Variants in LRRC4C observed in about 807,000 individuals in gnomAD.
LRRC4C encodes leucine-rich repeat-containing protein 4C.
A neutral mutation model predicts 33.6 loss-of-function variants in LRRC4C; 5 were observed. The ratio of observed to expected loss-of-function variants is 0.15; its 90% CI spans 0.08 to 0.31. The LOEUF is 0.31. Ranked by LOEUF, LRRC4C falls within the 10% of genes least tolerant of loss-of-function variation. The pLI is 1.00. For missense variants in LRRC4C, 560 were observed against 796.7 expected (o/e 0.70, Z 3.58); for synonymous variants, 329 against 302.0 (o/e 1.09, Z -0.93).
chr11:41,170,668 G>A (rs1944934533), intron 1 of LRRC4C, among the ~76,000 whole-genome samples: 1 of 152,122 alleles, frequency 6.6e-6, no homozygotes, highest in Non-Finnish European at 1.5e-5. Context: ...GAAAACCTAG[G>A]CAATACCATT....
chr11:40,287,754 A>G (rs1228681144), intron 4 of LRRC4C, among the ~76,000 whole-genome samples: 2 of 152,234 alleles, frequency 1.3e-5, no homozygotes, highest in East Asian at 1.9e-4. Context: ...TTTATATGAC[A>G]CAGAATATAT....
intron 3 of LRRC4C, among the ~76,000 whole-genome samples, chr11:40,537,811 G>C (rs148077247): frequency 6.6e-6 from 1 of 152,104 alleles, no homozygotes; most frequent in Non-Finnish European, 1.5e-5. Context: ...TGTAAAACCC[G>C]CATGACCATT....
intron 1 of LRRC4C, among the ~76,000 whole-genome samples, chr11:41,192,189 T>C (rs964347156): frequency 6.6e-6 from 1 of 152,112 alleles, no homozygotes; most frequent in Non-Finnish European, 1.5e-5. Flanking sequence ...TCTGACTTGG[T>C]ACATACTAAT....
chr11:40,288,514 G>A (rs1943991809), intron 4 of LRRC4C, among the ~76,000 whole-genome samples: 1 of 152,136 alleles, frequency 6.6e-6, no homozygotes, highest in South Asian at 2.1e-4. Context: ...GGGAAAACAG[G>A]TCCCTAGAAG....
At chr11:40,659,102 T>G (rs995986816) in intron 2 of LRRC4C, among the ~76,000 whole-genome samples, 2 of 152,188 alleles carry the variant, frequency 1.3e-5, no homozygotes, top group African/African-American at 4.8e-5. Context: ...TCCATAGGCT[T>G]GGAAGATCCT....
At chr11:41,236,618 AG>A (rs2136507902) in intron 1 of LRRC4C, among the ~76,000 whole-genome samples, 1 of 152,200 alleles carries the variant, frequency 6.6e-6, no homozygotes, top group East Asian at 1.9e-4. Context: ...AGGGGGAACA[AG>A]TGATATCTTG....
intron 2 of LRRC4C, among the ~76,000 whole-genome samples, chr11:40,812,685 C>T (rs889102349): frequency 1.3e-5 from 2 of 152,054 alleles, no homozygotes; most frequent in African/African-American, 4.8e-5. Flanking sequence ...AAAATAGACT[C>T]TAATGGCATA....
At chr11:40,584,023 A>AT (rs1958592537) in intron 3 of LRRC4C, among the ~76,000 whole-genome samples, 1 of 151,316 alleles carries the variant, frequency 6.6e-6, no homozygotes, top group Non-Finnish European at 1.5e-5. Flanking sequence ...TTGCAAAGAG[A>AT]TCAGGGACGG....
chr11:40,732,619 T>C (rs1303069569), intron 2 of LRRC4C, among the ~76,000 whole-genome samples: 2 of 152,240 alleles, frequency 1.3e-5, no homozygotes, highest in Non-Finnish European at 2.9e-5. Flanking sequence ...ATTCTATGCA[T>C]AGTCTCAGTC....
intron 1 of LRRC4C, among the ~76,000 whole-genome samples, chr11:41,385,330 G>T (rs1016956732): frequency 5.3e-5 from 8 of 151,542 alleles, no homozygotes; most frequent in African/African-American, 1.9e-4. Flanking sequence ...AATCAGATGT[G>T]TGCATTTATT....
At chr11:41,248,111 T>G (rs1395150528) in intron 1 of LRRC4C, among the ~76,000 whole-genome samples, 1 of 152,216 alleles carries the variant, frequency 6.6e-6, no homozygotes, top group Admixed American at 6.5e-5. Flanking sequence ...TCTTATCAAG[T>G]AAATAAGCTT....
chr11:40,510,454 A>G (rs1955258225), intron 3 of LRRC4C, among the ~76,000 whole-genome samples: 1 of 152,112 alleles, frequency 6.6e-6, no homozygotes, highest in Admixed American at 6.5e-5. Context: ...TTTACTCAAT[A>G]TTTCCTTTGT....
At chr11:40,777,543 A>G (rs1242319332) in intron 2 of LRRC4C, among the ~76,000 whole-genome samples, 1 of 143,750 alleles carries the variant, frequency 7.0e-6, no homozygotes, top group Non-Finnish European at 1.5e-5. Context: ...TTTTTTAGTC[A>G]TCTAAGAATA....
In LRRC4C at chr11:41,410,502, C is replaced by A. The variant is rs1014224941; in HGVS notation, c.-496+48929G>T. On this transcript the variant is annotated intron_variant, in intron 1 of 6. Transcript: ENST00000528697. ...TCTCCGCTCCCGGGTTTACGCCATT[C>A]GGATCTCAGCTCACTGCAAGCTCCA... 2.7e-5 allele frequency among the ~76,000 whole-genome samples: 4 copies of A among 150,070 alleles called. No homozygotes were observed. The Admixed American group carries it at 2.7e-4, about 10-fold the overall frequency.
At chr11:40,826,043 G>A (rs1485048991) in intron 2 of LRRC4C, among the ~76,000 whole-genome samples, 1 of 151,290 alleles carries the variant, frequency 6.6e-6, no homozygotes, top group Admixed American at 6.6e-5. Context: ...CCCTTATGTA[G>A]TCCACAAAGC....
chr11:41,366,362 GA>G (rs1952545227), intron 1 of LRRC4C, among the ~76,000 whole-genome samples: 1 of 151,984 alleles, frequency 6.6e-6, no homozygotes, highest in African/African-American at 2.4e-5. Context: ...AAAATAGAAA[GA>G]TACTCTATTT....
intron 1 of LRRC4C, among the ~76,000 whole-genome samples, chr11:41,415,596 T>C (rs1438779034): frequency 6.6e-6 from 1 of 152,106 alleles, no homozygotes; most frequent in Non-Finnish European, 1.5e-5. Flanking sequence ...GAGTACTGTG[T>C]GTCCCCAACA....
chr11:40,547,392 C>A (rs1405316882), intron 3 of LRRC4C, among the ~76,000 whole-genome samples: 1 of 152,022 alleles, frequency 6.6e-6, no homozygotes, highest in Non-Finnish European at 1.5e-5. Flanking sequence ...CCTCCTATTG[C>A]TAAGTGAATC....
chr11:40,255,395 T>C (rs1301091251), intron 4 of LRRC4C, among the ~76,000 whole-genome samples: 1 of 152,224 alleles, frequency 6.6e-6, no homozygotes, highest in Non-Finnish European at 1.5e-5. Flanking sequence ...ATGATGATTC[T>C]AGCTATTGCT....
Sources: gnomAD v4.1 joint callset for allele counts (sites outside exome capture counted in the v4.1 genomes callset) on GRCh38, gnomAD v4.1.1 for gene constraint, MANE v1.5 for transcripts, NCBI Gene and HGNC (gene_info 2026-07-23, HGNC 2026-07-21) for gene names.